The following PACSIN2 variants were observed in gnomAD, a reference collection of about 807,000 sequenced individuals.
PACSIN2 encodes the protein protein kinase C and casein kinase substrate in neurons protein 2.
In PACSIN2, 25 loss-of-function variants were observed where a neutral mutation model predicts 63.8. The observed-to-expected ratio is 0.39, with a 90% CI of 0.29 to 0.55. The LOEUF is 0.55. Ranked by LOEUF, PACSIN2 falls within the 20% of genes least tolerant of loss-of-function variation. The pLI, the probability that PACSIN2 is intolerant of heterozygous loss-of-function variation, is 0.62. For missense variants in PACSIN2, 518 were observed against 646.9 expected, an observed-to-expected ratio of 0.80 and a Z score of 2.16; for synonymous variants, 255 against 256.2, an observed-to-expected ratio of 1.00 and a Z score of 0.05.
intron 1 of PACSIN2, among the ~76,000 whole-genome samples, chr22:42,989,210 A>G (rs987583469): frequency 2.0e-5 from 3 of 152,094 alleles, no homozygotes; most frequent in Non-Finnish European, 4.4e-5. Context: ...AGAAAACTCA[A>G]TTCTCGGCCG....
chr22:42,886,468 C>T (rs1929495939), intron 5 of PACSIN2, among the ~76,000 whole-genome samples: 5 of 151,016 alleles, frequency 3.3e-5, no homozygotes, highest in Admixed American at 3.3e-4. Context: ...ATGTACCTAC[C>T]TACTTACCTA....
chr22:42,877,992 C>T (rs1928774735), intron 8 of PACSIN2, among the ~76,000 whole-genome samples: 1 of 152,250 alleles, frequency 6.6e-6, no homozygotes, highest in Non-Finnish European at 1.5e-5. Flanking sequence ...TCATCCACTT[C>T]AGCCTGGCAA....
chr22:42,912,020 C>T lies in PACSIN2; in HGVS notation c.60+1G>A, dbSNP rs1274695253. ...TCACTGGAAGAAAGCAGGTGCATTA[C>T]CTCCCAGAAGCTGTCGCTGGACACT... On this transcript the variant is annotated splice_donor_variant, in intron 2 of 10. Coordinates refer to ENST00000263246, the MANE Select transcript of PACSIN2 (RefSeq NM_001184970.3). LOFTEE classifies it high-confidence loss of function. The T allele has an allele frequency of 6.2e-7, 1 of 1,600,152 alleles. No homozygotes were observed. Among genetic ancestry groups the T allele is most frequent in the Non-Finnish European group, 8.5e-7 (1 of 1,172,810 alleles).
intron 1 of PACSIN2, among the ~76,000 whole-genome samples, chr22:42,960,216 G>C (rs7290939): frequency 0.031 from 4,685 of 152,320 alleles, 87 homozygotes; most frequent in African/African-American, 0.042. Flanking sequence ...CTGCTTACAA[G>C]AGAAAAAAGA....
chr22:42,951,836 G>T (rs937747872), intron 1 of PACSIN2, among the ~76,000 whole-genome samples: 2 of 150,512 alleles, frequency 1.3e-5, no homozygotes, highest in African/African-American at 2.5e-5. Flanking sequence ...TGCTTCCAGC[G>T]CCAGTCTCGC....
chr22:42,897,235 C>A (rs1023719652), intron 2 of PACSIN2, among the ~76,000 whole-genome samples: 1 of 152,186 alleles, frequency 6.6e-6, no homozygotes, highest in Non-Finnish European at 1.5e-5. Context: ...CAGCGCCTGG[C>A]CTGTTCCCTT....
At chr22:42,953,645 G>A (rs547343525) in intron 1 of PACSIN2, among the ~76,000 whole-genome samples, 4 of 152,226 alleles carry the variant, frequency 2.6e-5, no homozygotes, top group Admixed American at 6.5e-5. Flanking sequence ...CATTTAACAC[G>A]AGGAAAAAAC....
rs776035127 is a variant in PACSIN2, at chr22:42,893,610, C to T, written c.64G>A (p.Gly22Arg). Residue 22 changes from glycine to arginine, a missense_variant, in exon 3 of 11, where the codon GGG becomes AGG. By Grantham distance (125) the Gly-to-Arg change is moderately radical (BLOSUM62 -2). Around this residue, in one of 2 missense-constraint regions of PACSIN2, gnomAD observed 507 missense variants for 612.3 expected, o/e 0.83. Coordinates refer to ENST00000263246, the MANE Select transcript of PACSIN2 (RefSeq NM_001184970.3). Reference protein sequence around the residue: ...EVSSDSFWEVGNYKRTVKRID... With the variant: ...EVSSDSFWEVRNYKRTVKRID... Reference sequence around the variant, plus strand: ...CGCTTCACAGTCCGCTTGTAGTTCCCGACCTAGGAGAGAGAACCAGCTGGG... The same window carrying T: ...CGCTTCACAGTCCGCTTGTAGTTCCTGACCTAGGAGAGAGAACCAGCTGGG... The T allele has an allele frequency of 1.9e-5, 31 of 1,613,398 alleles. No individual in the cohort carries two copies. The highest frequency in any genetic ancestry group is 2.5e-5 in the Non-Finnish European group (30 of 1,179,606).
chr22:42,907,356 T>C (rs753071097), intron 2 of PACSIN2, among the ~76,000 whole-genome samples: 1 of 152,132 alleles, frequency 6.6e-6, no homozygotes, highest in Non-Finnish European at 1.5e-5. Context: ...GACTGAGGAG[T>C]TGATGCCTTA....
chr22:42,874,496 A>T (rs933605347), intron 10 of PACSIN2, among the ~76,000 whole-genome samples: 9 of 152,170 alleles, frequency 5.9e-5, no homozygotes, highest in Admixed American at 2.6e-4. Flanking sequence ...TGTGCATGGT[A>T]GGTGTGGGCA....
intron 10 of PACSIN2, among the ~76,000 whole-genome samples, chr22:42,872,444 G>C (rs2858546): frequency 6.6e-6 from 1 of 152,266 alleles, no homozygotes; most frequent in Non-Finnish European, 1.5e-5. Flanking sequence ...TTATTGCTAA[G>C]TTTGAAGTTT....
intron 1 of PACSIN2, among the ~76,000 whole-genome samples, chr22:42,970,253 C>T (rs1921152872): frequency 6.6e-6 from 1 of 152,194 alleles, no homozygotes. Context: ...TGAGTCATGG[C>T]AGTATCAGGT....
intron 1 of PACSIN2, among the ~76,000 whole-genome samples, chr22:42,956,238 T>A (rs1485961478): frequency 6.6e-6 from 1 of 152,196 alleles, no homozygotes; most frequent in Non-Finnish European, 1.5e-5. Context: ...TAACTTCCTA[T>A]TAGATTCTTT....
intron 3 of PACSIN2, among the ~76,000 whole-genome samples, chr22:42,891,921 G>A (rs974026604): frequency 3.9e-5 from 6 of 152,176 alleles, no homozygotes; most frequent in African/African-American, 7.2e-5. Context: ...GCCCTGCACT[G>A]CCTTCCTCTG....
intron 1 of PACSIN2, among the ~76,000 whole-genome samples, chr22:42,953,827 A>G (rs771512332): frequency 3.3e-5 from 5 of 152,226 alleles, no homozygotes; most frequent in Non-Finnish European, 7.3e-5. Context: ...GTGCCCTCTC[A>G]GAGGCAAGCG....
intron 2 of PACSIN2, among the ~76,000 whole-genome samples, chr22:42,905,822 G>T (rs1601496749): frequency 6.6e-6 from 1 of 152,198 alleles, no homozygotes; most frequent in African/African-American, 2.4e-5. Context: ...GCCAGGGCTG[G>T]TCCCTGCCCT....
At position 42,876,344 on chromosome 22, in the gene PACSIN2, G is replaced by T. The variant is rs757030388; in HGVS notation, c.1152-11C>A. ...TCGTAGCTGCTCACACTGCAAGAAA[G>T]GGGAGGCCACAGGGCCCTCAGCACA... is the stretch of plus-strand genomic sequence containing the variant. On this transcript the variant is annotated splice_polypyrimidine_tract_variant and intron_variant, in intron 9 of 10. Transcript: ENST00000263246. 3.8e-5 allele frequency: 61 copies of T among 1,611,528 alleles called. 1 individual carries two copies. In the East Asian group the frequency reaches 1.3e-3, roughly 34 times the overall value.
chr22:43,010,129 T>C (rs1406355026), intron 1 of PACSIN2, among the ~76,000 whole-genome samples: 4 of 151,690 alleles, frequency 2.6e-5, no homozygotes, highest in Non-Finnish European at 4.4e-5. Context: ...TTACTTCCCA[T>C]AGTGCTGGGA....
chr22:42,954,487 C>T (rs535973500), intron 1 of PACSIN2, among the ~76,000 whole-genome samples: 1 of 152,280 alleles, frequency 6.6e-6, no homozygotes, highest in Non-Finnish European at 1.5e-5. Flanking sequence ...CCTCAACCTC[C>T]TGGGTGTAAG....
Sources: gnomAD v4.1 joint callset for allele counts (sites outside exome capture counted in the v4.1 genomes callset) on GRCh38, gnomAD v4.1.1 for gene constraint, gnomAD v4.1.1 regional missense constraint, MANE v1.5 for transcripts, NCBI Gene and HGNC (gene_info 2026-07-23, HGNC 2026-07-21) for gene names.